The following REEP3 variants were observed in gnomAD, a reference collection of about 807,000 sequenced individuals.
REEP3 encodes receptor accessory protein 3.
A neutral mutation model predicts 41.3 loss-of-function variants in REEP3; 20 were observed. The observed-to-expected ratio is 0.48, with a 90% confidence interval of 0.34 to 0.70. The LOEUF (loss-of-function observed/expected upper bound fraction) is 0.70, where lower values mean the gene tolerates loss of function less well. REEP3 is among the 30% of genes least tolerant of loss of function. The pLI, the probability that REEP3 is intolerant of heterozygous loss-of-function variation, is 0.01. For missense variants in REEP3, 271 were observed against 308.8 expected, an observed-to-expected ratio of 0.88 and a Z score of 0.92; for synonymous variants, 104 against 101.8, an observed-to-expected ratio of 1.02 and a Z score of -0.13.
Position 63,623,021 on chromosome 10 carries a change from A to G in REEP3, c.*2152A>G, listed in dbSNP as rs1197114299. The G allele has an allele frequency of 6.6e-6, 1 of 152,122 alleles. No homozygotes were observed. The highest frequency in any genetic ancestry group is 2.4e-5 in the African/African-American group (1 of 41,428). 9.4% of individuals were successfully genotyped at this position (152,122 alleles called of 1,614,324 possible). A position where few individuals can be genotyped will look rare whatever the true frequency, so the allele number is the denominator to read the frequency against. ...CACCCAGCCACCATTTTATCTCTCT[A>G]AAGTCTGGTCCCAGTATTAAACCTA... On this transcript the variant is annotated 3_prime_UTR_variant, in exon 8 of 8. Transcript: ENST00000373758.
chr10:63,598,920 C>T (rs1050531580), intron 4 of REEP3, among the ~76,000 whole-genome samples: 2 of 152,004 alleles, frequency 1.3e-5, no homozygotes, highest in South Asian at 2.1e-4. Context: ...AGTGAGACCC[C>T]GTCTCTACAA....
At chr10:63,614,735 T>C (rs1001289440) in intron 6 of REEP3, among the ~76,000 whole-genome samples, 2 of 152,238 alleles carry the variant, frequency 1.3e-5, no homozygotes, top group African/African-American at 4.8e-5. Flanking sequence ...AGAGAATCTG[T>C]AGACATGTTT....
intron 1 of REEP3, among the ~76,000 whole-genome samples, chr10:63,525,513 G>A (rs1296528678): frequency 1.3e-5 from 2 of 151,974 alleles, no homozygotes; most frequent in Admixed American, 1.3e-4. Context: ...CCGCCTCCCG[G>A]GTTCAAGCAG....
chr10:63,577,476 T>C (rs1289049539), intron 2 of REEP3, among the ~76,000 whole-genome samples: 1 of 152,152 alleles, frequency 6.6e-6, no homozygotes. Context: ...CAGGATGGAG[T>C]GCAGTGGTGC....
chr10:63,524,828 A>G (rs1271331702), intron 1 of REEP3, among the ~76,000 whole-genome samples: 1 of 152,100 alleles, frequency 6.6e-6, no homozygotes, highest in East Asian at 1.9e-4. Context: ...TTAAGTCATT[A>G]TAATAAATAC....
At chr10:63,577,823 C>T (rs544918701) in intron 2 of REEP3, among the ~76,000 whole-genome samples, 1 of 152,190 alleles carries the variant, frequency 6.6e-6, no homozygotes, top group East Asian at 1.9e-4. Flanking sequence ...GTTTTTCCCC[C>T]TGCCAGCTTG....
chr10:63,576,804 C>G (rs1365856698), intron 2 of REEP3, among the ~76,000 whole-genome samples: 31 of 152,196 alleles, frequency 2.0e-4, no homozygotes, highest in Admixed American at 1.9e-3. Flanking sequence ...CATATGTCAT[C>G]ACATGGTCTT....
At chr10:63,534,087 C>T (rs929580978) in intron 1 of REEP3, among the ~76,000 whole-genome samples, 3 of 151,780 alleles carry the variant, frequency 2.0e-5, no homozygotes, top group African/African-American at 7.3e-5. Context: ...TCAGAAAGTT[C>T]TGTGTAGAGA....
At chr10:63,600,758 G>T (rs1225133564) in intron 5 of REEP3, among the ~76,000 whole-genome samples, 1 of 152,178 alleles carries the variant, frequency 6.6e-6, no homozygotes, top group Non-Finnish European at 1.5e-5. Flanking sequence ...CAAGTACTTA[G>T]CACAATGAAT....
At chr10:63,545,809 C>T (rs1443179108) in intron 1 of REEP3, among the ~76,000 whole-genome samples, 1 of 150,670 alleles carries the variant, frequency 6.6e-6, no homozygotes, top group Non-Finnish European at 1.5e-5. Context: ...CAGGCGTAAG[C>T]CACTGCGCCC....
chr10:63,541,422 A>T (rs1266096361), intron 1 of REEP3, among the ~76,000 whole-genome samples: 1 of 152,242 alleles, frequency 6.6e-6, no homozygotes, highest in Non-Finnish European at 1.5e-5. Context: ...CTTACTAGGT[A>T]CAATTCATTT....
In REEP3 at chr10:63,610,161, G is replaced by C. The variant is rs768876050; in HGVS notation, c.418-26G>C. ...GTAAGCATACTAAATATTTTTTCTT[G>C]GACCTATCACTTCTCTGTTAAATAG... On this transcript the variant is annotated intron_variant, in intron 5 of 7. Coordinates refer to ENST00000373758, the MANE Select transcript of REEP3 (RefSeq NM_001001330.3). 4 of 1,583,740 alleles carry C rather than the reference G, an allele frequency of 2.5e-6. No individual in the cohort carries two copies. The Admixed American group carries it at 7.3e-5, about 29-fold the overall frequency.
intron 2 of REEP3, among the ~76,000 whole-genome samples, chr10:63,570,636 G>T (rs544694228): frequency 6.6e-6 from 1 of 152,300 alleles, no homozygotes; most frequent in South Asian, 2.1e-4. Context: ...ATTAGGGAAG[G>T]TAAAAGGCAG....
In REEP3 at chr10:63,594,869, T is replaced by G. The variant is rs1292169231; in HGVS notation, c.182+15T>G. ...ACAGTTGCTTGGTAAGTTTTACTAT[T>G]GAGAAGGGGCCAGACTACAGACTCA... On this transcript the variant is annotated intron_variant, in intron 3 of 7. Transcript: ENST00000373758. The G allele has an allele frequency of 6.5e-7, 1 of 1,537,496 alleles. No individual in the cohort carries two copies. The highest frequency in any genetic ancestry group is 1.7e-5 in the Admixed American group (1 of 59,944).
intron 6 of REEP3, 54 bp from the exon 7 acceptor site, chr10:63,619,601 G>T: frequency 1.3e-6 from 2 of 1,519,978 alleles, no homozygotes; most frequent in South Asian, 1.2e-5. Context: ...TCAAAGAGCC[G>T]GCGCTGACTG....
intron 2 of REEP3, among the ~76,000 whole-genome samples, chr10:63,580,927 A>AC (rs1955948642): frequency 6.6e-6 from 1 of 152,224 alleles, no homozygotes; most frequent in Non-Finnish European, 1.5e-5. Context: ...CAAGAGAATC[A>AC]CCTGAGCCCA....
chr10:63,554,801 G>T (rs891111259), intron 1 of REEP3, among the ~76,000 whole-genome samples: 5 of 152,158 alleles, frequency 3.3e-5, no homozygotes, highest in Admixed American at 3.3e-4. Context: ...TCTACCCACA[G>T]GATGCTGAGT....
chr10:63,580,403 C>CTG (rs1330369887), intron 2 of REEP3, among the ~76,000 whole-genome samples: 2 of 152,082 alleles, frequency 1.3e-5, no homozygotes, highest in African/African-American at 4.8e-5. Flanking sequence ...TCTCAGAGTG[C>CTG]TGGAATTACA....
chr10:63,620,900 T>C lies in REEP3; in HGVS notation c.*31T>C. The C allele has an allele frequency of 7.3e-7, 1 of 1,374,162 alleles. No individual in the cohort carries two copies. Among genetic ancestry groups the C allele is most frequent in the African/African-American group, 1.4e-5 (1 of 70,044 alleles). The allele number at this position is 1,374,162 out of a possible 1,614,324, so 85.1% of individuals were successfully genotyped here. A position where few individuals can be genotyped will look rare whatever the true frequency, so the allele number is the denominator to read the frequency against. ...TACACGTCAAATATCCCAAGACAGA[T>C]TATGCTAAATACATCGACTTCATCT... On this transcript the variant is annotated 3_prime_UTR_variant, in exon 8 of 8. Coordinates refer to ENST00000373758, the MANE Select transcript of REEP3 (RefSeq NM_001001330.3).
Sources: gnomAD v4.1 joint callset for allele counts (sites outside exome capture counted in the v4.1 genomes callset) on GRCh38, gnomAD v4.1.1 for gene constraint, MANE v1.5 for transcripts, NCBI Gene and HGNC (gene_info 2026-07-23, HGNC 2026-07-21) for gene names.